AFAP1: variants seen among roughly 807,000 people sequenced by gnomAD.
AFAP1 encodes the protein actin filament associated protein 1, also known as actin filament-associated protein 1.
Under a neutral mutation model 93.9 loss-of-function variants are expected in AFAP1, and 75 were observed. That is an observed-to-expected ratio of 0.80 (90% CI 0.66 to 0.97). The LOEUF (loss-of-function observed/expected upper bound fraction) is 0.97. AFAP1 is among the 50% of genes least tolerant of loss of function. AFAP1 has a pLI of 0.00. For synonymous variants in AFAP1, 517 were observed against 430.7 expected, an observed-to-expected ratio of 1.20 and a Z score of -2.48; for missense variants, 1,201 against 1,050.8, an observed-to-expected ratio of 1.14 and a Z score of -1.98.
At chr4:7,787,240 C>T (rs560298333) in intron 11 of AFAP1, among the ~76,000 whole-genome samples, 25 of 152,330 alleles carry the variant, frequency 1.6e-4, no homozygotes, top group African/African-American at 4.3e-4. Context: ...GTGCCGGGAG[C>T]GTGGTGCGCC....
chr4:7,920,195 T>C (rs1329650935), intron 1 of AFAP1, among the ~76,000 whole-genome samples: 2 of 152,226 alleles, frequency 1.3e-5, no homozygotes, highest in Non-Finnish European at 2.9e-5. Flanking sequence ...TTTCTGGTTC[T>C]AGATCTTTGA....
chr4:7,864,167 A>AACTTCCCATCACAACACCTTCC (rs1577313455), intron 3 of AFAP1, among the ~76,000 whole-genome samples: 1 of 125,728 alleles, frequency 8.0e-6, no homozygotes, highest in African/African-American at 3.0e-5. Flanking sequence ...ATCACAACCC[A>AACTTCCCATCACAACACCTTCC]CAGGTCCTTT....
chr4:7,854,863 A>AC (rs1310507636), intron 4 of AFAP1, among the ~76,000 whole-genome samples: 1 of 152,210 alleles, frequency 6.6e-6, no homozygotes, highest in Non-Finnish European at 1.5e-5. Flanking sequence ...CGGAGACTCA[A>AC]CATCATGTCA....
intron 6 of AFAP1, among the ~76,000 whole-genome samples, chr4:7,825,637 A>G (rs1433047709): frequency 6.6e-6 from 1 of 152,218 alleles, no homozygotes; most frequent in Non-Finnish European, 1.5e-5. Context: ...ATAAGGAAAA[A>G]AGGCTAAAAA....
chr4:7,781,103 C>T (rs905187087), intron 13 of AFAP1, among the ~76,000 whole-genome samples: 3 of 152,144 alleles, frequency 2.0e-5, no homozygotes, highest in African/African-American at 7.2e-5. Context: ...CTTTAGTTGA[C>T]ATAATTCACA....
intron 1 of AFAP1, among the ~76,000 whole-genome samples, chr4:7,881,331 C>G (rs910601708): frequency 6.6e-6 from 1 of 152,114 alleles, no homozygotes. Context: ...CCAGGCACCC[C>G]CACATGGCAT....
chr4:7,828,348 T>G (rs1237078685), intron 6 of AFAP1, among the ~76,000 whole-genome samples: 2 of 152,210 alleles, frequency 1.3e-5, no homozygotes, highest in Non-Finnish European at 2.9e-5. Context: ...TCAAAACTGC[T>G]TAAGATGGTT....
At position 7,841,700 on chromosome 4, in the gene AFAP1, C is replaced by T. The variant is rs114128271; in HGVS notation, c.546+1439G>A. ...GTCATTTTTGAAAGGAAAAAAGCTTCGTAATAAAAGTCAATAACTTTGATT... is the reference window on the plus strand; with the variant it reads ...GTCATTTTTGAAAGGAAAAAAGCTTTGTAATAAAAGTCAATAACTTTGATT... On this transcript the variant is annotated intron_variant, in intron 5 of 17. Transcript: ENST00000420658. 3.7e-3 allele frequency among the ~76,000 whole-genome samples: 569 copies of T among 152,298 alleles called. 1 individual carries two copies. Among genetic ancestry groups the T allele is most frequent in the African/African-American group, 8.6e-3 (357 of 41,562 alleles).
chr4:7,914,455 T>C (rs34179701), intron 1 of AFAP1, among the ~76,000 whole-genome samples: 82,574 of 152,062 alleles, frequency 0.54, 24,720 homozygotes, highest in East Asian at 0.83. Context: ...TCCACCCACG[T>C]TGCTGAGAAT....
intron 6 of AFAP1, 124 bp from the exon 7 acceptor site, chr4:7,819,295 G>T: frequency 1.3e-6 from 1 of 787,314 alleles, no homozygotes; most frequent in Non-Finnish European, 1.9e-6. Flanking sequence ...CAAAGCACCT[G>T]GCTCTGAGTT....
At chr4:7,930,940 C>A (rs1226119080) in intron 1 of AFAP1, among the ~76,000 whole-genome samples, 1 of 152,106 alleles carries the variant, frequency 6.6e-6, no homozygotes, top group Non-Finnish European at 1.5e-5. Flanking sequence ...TTAGTAGAGA[C>A]GAGGTTTCAC....
chr4:7,850,107 A>G (rs1331131434), intron 4 of AFAP1, among the ~76,000 whole-genome samples: 1 of 151,890 alleles, frequency 6.6e-6, no homozygotes, highest in Non-Finnish European at 1.5e-5. Context: ...TATGTTTGAA[A>G]ATGGCCAGTC....
chr4:7,788,427 G>A (rs1717519965), intron 11 of AFAP1, among the ~76,000 whole-genome samples: 1 of 152,270 alleles, frequency 6.6e-6, no homozygotes, highest in Admixed American at 6.5e-5. Context: ...CTCACAGAGC[G>A]CGTGTGCGCC....
chr4:7,910,200 G>A (rs934473928), intron 1 of AFAP1, among the ~76,000 whole-genome samples: 1 of 152,136 alleles, frequency 6.6e-6, no homozygotes, highest in African/African-American at 2.4e-5. Flanking sequence ...AAAGCGCCCA[G>A]CTACATTTCA....
chr4:7,907,002 CAAAA>C (rs11288651), intron 1 of AFAP1, among the ~76,000 whole-genome samples: 5 of 127,798 alleles, frequency 3.9e-5, no homozygotes, highest in Non-Finnish European at 3.3e-5. Flanking sequence ...AACTCCACCT[CAAAA>C]AAAAAAAAAA....
At position 7,811,518 on chromosome 4, in the gene AFAP1, C is replaced by T. The variant is rs146414091; in HGVS notation, c.905-1755G>A. 9.5e-3 allele frequency among the ~76,000 whole-genome samples: 1,444 copies of T among 152,210 alleles called. 29 individuals are homozygous for T. Among genetic ancestry groups the T allele is most frequent in the African/African-American group, 0.03 (1,244 of 41,524 alleles). ...GGAAGTGGTCCTCTTTCTGCCTCCA[C>T]CCTGGTGCCCCCACCACAGCCAAAC... On this transcript the variant is annotated intron_variant, in intron 8 of 17. Transcript: ENST00000420658.
rs1721565028 is a variant in AFAP1 at position 7,939,107 on chromosome 4, A to ACCCACTCGCAGGGCGGCCGGGT, written c.-3+548_-3+549insACCCGGCCGCCCTGCGAGTGGG. On this transcript the variant is annotated intron_variant, in intron 1 of 17. Coordinates refer to ENST00000420658, the MANE Select transcript of AFAP1 (RefSeq NM_001134647.2). The surrounding 1 kb of genome is among the most constrained non-coding windows in gnomAD (Gnocchi z 5.6). ...GAGCCCCACTCGCAGGGCGGCCGGG[A>ACCCACTCGCAGGGCGGCCGGGT]CCCACGCGCGTGGGTCCACGCAACA... 1.3e-5 allele frequency: 2 copies of ACCCACTCGCAGGGCGGCCGGGT among 157,092 alleles called. No homozygotes were observed. The highest frequency in any genetic ancestry group is 4.9e-5 in the African/African-American group (2 of 41,028). The allele number at this position is 157,092 out of a possible 1,614,324, so 9.7% of individuals were successfully genotyped here.
intron 3 of AFAP1, among the ~76,000 whole-genome samples, chr4:7,866,054 G>A (rs909098864): frequency 4.0e-5 from 6 of 151,554 alleles, no homozygotes; most frequent in African/African-American, 1.5e-4. Flanking sequence ...CCAACACCAT[G>A]CCCAGCCAAT....
chr4:7,799,151 G>C, intron 10 of AFAP1: 1 of 935,032 alleles, frequency 1.1e-6, no homozygotes, highest in Non-Finnish European at 1.3e-6. Flanking sequence ...GCCGTGGTCA[G>C]GGTCTGCACA....
Sources: gnomAD v4.1 joint callset for allele counts (sites outside exome capture counted in the v4.1 genomes callset) on GRCh38, gnomAD v4.1.1 for gene constraint, Gnocchi (gnomAD v3.1) non-coding constraint, MANE v1.5 for transcripts, NCBI Gene and HGNC (gene_info 2026-07-23, HGNC 2026-07-21) for gene names.